Variants in TPCN1 observed in about 807,000 individuals in gnomAD.
TPCN1 encodes the protein two pore segment channel 1.
A neutral mutation model predicts 108.8 loss-of-function variants in TPCN1; 52 were observed. The ratio of observed to expected loss-of-function variants is 0.48; its 90% confidence interval spans 0.38 to 0.60. The LOEUF (loss-of-function observed/expected upper bound fraction) is 0.60. Among genes scored for constraint, TPCN1 ranks in the 20% least tolerant of loss-of-function variants. The pLI, the probability that TPCN1 is intolerant of heterozygous loss-of-function variation, is 0.00. For synonymous variants in TPCN1, 446 were observed against 433.7 expected (o/e 1.03, Z -0.35); for missense variants, 806 against 1,072.8 (o/e 0.75, Z 3.47).
intron 2 of TPCN1, among the ~76,000 whole-genome samples, chr12:113,228,956 G>A (rs546784553): frequency 1.3e-5 from 2 of 152,202 alleles, no homozygotes; most frequent in East Asian, 1.9e-4. Context: ...GGCTGTCATC[G>A]TGAGTGTCAC....
chr12:113,246,275 T>C lies in TPCN1; in HGVS notation c.113-14093T>C, dbSNP rs763640273. On this transcript the variant is annotated intron_variant, in intron 2 of 27. Coordinates refer to ENST00000335509, the MANE Select transcript of TPCN1 (RefSeq NM_017901.6). ...AAGGGGCTGGTGCCACATAAATCTT[T>C]AGTGGCCAAAGTCTGCAGGCCTGCA... Among the ~76,000 whole-genome samples, 8 of 152,182 alleles carry C rather than the reference T, an allele frequency of 5.3e-5. No homozygotes were observed. In the East Asian group the frequency reaches 5.8e-4, roughly 11 times the overall value.
At chr12:113,239,995 C>T (rs563994238) in intron 2 of TPCN1, among the ~76,000 whole-genome samples, 16 of 152,154 alleles carry the variant, frequency 1.1e-4, no homozygotes, top group Non-Finnish European at 2.1e-4. Context: ...GGGTGGTCGT[C>T]GACAAGCATG....
chr12:113,293,054 C>T lies in TPCN1; in HGVS notation c.2234C>T (p.Ser745Phe), dbSNP rs776205684. The change falls in exon 26 of 28, where the codon TCC (serine) becomes TTC (phenylalanine). Residue 745 changes from serine to phenylalanine, a missense_variant. Coordinates refer to ENST00000335509, the MANE Select transcript of TPCN1 (RefSeq NM_017901.6). ...GTCACCAGGCTGCTGGAGACCCTCTCCCAGATGGAGAGATACCAGGTGAGG... is the reference window on the plus strand; with the variant it reads ...GTCACCAGGCTGCTGGAGACCCTCTTCCAGATGGAGAGATACCAGGTGAGG... ...SDVTRLLETL[S>F]QMERYQQHSM... is the part of the protein sequence containing the mutation. The T allele has an allele frequency of 4.3e-6, 7 of 1,612,548 alleles. No individual in the cohort carries two copies. In the Middle Eastern group the frequency reaches 5.0e-4, roughly 114 times the overall value.
chr12:113,291,786 G>T lies in TPCN1; in HGVS notation c.2029-88G>T, dbSNP rs558131659. On this transcript the variant is annotated intron_variant, in intron 24 of 27. Coordinates refer to ENST00000335509, the MANE Select transcript of TPCN1 (RefSeq NM_017901.6). ...GAGTGGGGCTGGGTCCCATCTGGCCGGACTCTGTTGGGCGTGGGCTGCGCA... is the reference window on the plus strand; with the variant it reads ...GAGTGGGGCTGGGTCCCATCTGGCCTGACTCTGTTGGGCGTGGGCTGCGCA... 5 of 1,559,626 alleles carry T rather than the reference G, an allele frequency of 3.2e-6. No individual in the cohort carries two copies. In the African/African-American group the frequency reaches 6.8e-5, roughly 21 times the overall value.
At chr12:113,252,378 G>A (rs968051135) in intron 2 of TPCN1, among the ~76,000 whole-genome samples, 3 of 152,270 alleles carry the variant, frequency 2.0e-5, no homozygotes, top group East Asian at 1.9e-4. Flanking sequence ...AGGACCAGAC[G>A]TTGTCTCCCC....
rs117057654 is a variant in TPCN1 at position 113,289,307 on chromosome 12, G to A, written c.1796+460G>A. ...ATGAGCACTCCCTTTCTCCTGAGCC[G>A]CCACAGTGAAATCACTGCACACTGC... On this transcript the variant is annotated intron_variant, in intron 21 of 27. Coordinates refer to ENST00000335509, the MANE Select transcript of TPCN1 (RefSeq NM_017901.6). This position sits in a 1 kb window ranked among gnomAD's most constrained non-coding sequence, Gnocchi z 4.1. Among the ~76,000 whole-genome samples the A allele has an allele frequency of 7.1e-3, 1,074 of 152,338 alleles. 4 individuals are homozygous for A. The highest frequency in any genetic ancestry group is 0.011 in the Non-Finnish European group (768 of 68,032).
rs1956288877 is a variant in TPCN1 at position 113,292,103 on chromosome 12, C to T, written c.2113+145C>T. On this transcript the variant is annotated intron_variant, in intron 25 of 27. Transcript: ENST00000335509. ...CAGCTTATCTATCTGGCTTGTCTTTCTAGATCTTGTATTTGCATTGATTTT... is the reference window on the plus strand; with the variant it reads ...CAGCTTATCTATCTGGCTTGTCTTTTTAGATCTTGTATTTGCATTGATTTT... 8.7e-6 allele frequency: 6 copies of T among 689,496 alleles called. No individual in the cohort carries two copies. The East Asian group carries it at 1.3e-4, about 15-fold the overall frequency. The allele number at this position is 689,496 out of a possible 1,614,324, so 42.7% of individuals were successfully genotyped here. A position where few individuals can be genotyped will look rare whatever the true frequency, so the allele number is the denominator to read the frequency against.
In TPCN1 at chr12:113,266,408, C is replaced by G; in HGVS notation, c.414+52C>G. 3.2e-6 allele frequency: 5 copies of G among 1,586,324 alleles called. No homozygotes were observed. The highest frequency in any genetic ancestry group is 4.3e-6 in the Non-Finnish European group (5 of 1,170,762). On this transcript the variant is annotated intron_variant, in intron 4 of 27. Coordinates refer to ENST00000335509, the MANE Select transcript of TPCN1 (RefSeq NM_017901.6). The surrounding 1 kb of genome is among the most constrained non-coding windows in gnomAD (Gnocchi z 4.2). ...GGGCTGGGAGCCACGGCTTTCAGGG[C>G]AAGCGATGGAACTCCAAAAAGGAAC...
chr12:113,290,112 C>A lies in TPCN1; in HGVS notation c.1797-16C>A. 6.5e-7 allele frequency: 1 copy of A among 1,545,616 alleles called. No individual in the cohort carries two copies. Among genetic ancestry groups the A allele is most frequent in the Non-Finnish European group, 8.8e-7 (1 of 1,135,720 alleles). ...CCTTGTGACCCTCCCTCCTTTCTCCCTTGTGCTCCGGCCAGCACGAGTACA... is the reference window on the plus strand; with the variant it reads ...CCTTGTGACCCTCCCTCCTTTCTCCATTGTGCTCCGGCCAGCACGAGTACA... On this transcript the variant is annotated splice_polypyrimidine_tract_variant and intron_variant, in intron 21 of 27. Transcript: ENST00000335509.
In TPCN1 at chr12:113,273,462, G is replaced by A; in HGVS notation, c.843-107G>A. 4 of 1,268,568 alleles carry A rather than the reference G, an allele frequency of 3.2e-6. No homozygotes were observed. The South Asian group carries it at 4.8e-5, about 15-fold the overall frequency. 78.6% of individuals were successfully genotyped at this position (1,268,568 alleles called of 1,614,324 possible). A position where few individuals can be genotyped will look rare whatever the true frequency, so the allele number is the denominator to read the frequency against. ...CAGGGATGAGAGTAGGGGAACCAGG[G>A]TTGGAGGCTGGGAAGGCAGACAAGG... On this transcript the variant is annotated intron_variant, in intron 9 of 27. Transcript: ENST00000335509. The surrounding 1 kb of genome is among the most constrained non-coding windows in gnomAD (Gnocchi z 4.0).
intron 2 of TPCN1, among the ~76,000 whole-genome samples, chr12:113,256,964 C>T (rs925835771): frequency 6.6e-6 from 1 of 151,924 alleles, no homozygotes; most frequent in African/African-American, 2.4e-5. Flanking sequence ...AGACAAACCA[C>T]AAATGGGAAA....
intron 2 of TPCN1, among the ~76,000 whole-genome samples, chr12:113,253,955 G>A (rs1307772394): frequency 4.7e-4 from 72 of 152,192 alleles, no homozygotes; most frequent in East Asian, 1.9e-4. Flanking sequence ...CCTCATCCCC[G>A]ACTCCTCTTC....
At chr12:113,279,345 ATGTGTGTGTGTGTG>A (rs1191314168) in intron 14 of TPCN1, among the ~76,000 whole-genome samples, 10 of 88,316 alleles carry the variant, frequency 1.1e-4, no homozygotes, top group Non-Finnish European at 2.0e-4. Context: ...GTGTATATAT[ATGTGTGTGTGTGTG>A]TATATATATA....
At position 113,266,153 on chromosome 12, in the gene TPCN1, A is replaced by T. The variant is rs781147083; in HGVS notation, c.238-27A>T. ...GCGTTGGATGGGTCTCCAGGCTTAC[A>T]TGCCCACACTACTCTCATCTTTTCA... On this transcript the variant is annotated intron_variant, in intron 3 of 27. Coordinates refer to ENST00000335509, the MANE Select transcript of TPCN1 (RefSeq NM_017901.6). This position sits in a 1 kb window ranked among gnomAD's most constrained non-coding sequence, Gnocchi z 4.2. 2 of 1,612,164 alleles carry T rather than the reference A, an allele frequency of 1.2e-6. No individual in the cohort carries two copies.
At chr12:113,251,810 G>A (rs561768100) in intron 2 of TPCN1, among the ~76,000 whole-genome samples, 46 of 152,366 alleles carry the variant, frequency 3.0e-4, no homozygotes, top group Non-Finnish European at 2.1e-4. Context: ...AGGATTTTAA[G>A]TAGTGGAGTG....
intron 3 of TPCN1, among the ~76,000 whole-genome samples, chr12:113,261,916 C>A (rs571285839): frequency 8.7e-5 from 13 of 150,102 alleles, no homozygotes; most frequent in African/African-American, 3.2e-4. Context: ...AATGGAATTA[C>A]CGGGTAGAAG....
At chr12:113,259,608 G>A (rs1186289963) in intron 2 of TPCN1, among the ~76,000 whole-genome samples, 1 of 152,192 alleles carries the variant, frequency 6.6e-6, no homozygotes, top group African/African-American at 2.4e-5. Context: ...GGTGGCAGAG[G>A]CAGCCGCCAG....
rs1221035265 is a variant in TPCN1 at position 113,232,363 on chromosome 12, G to A, written c.112+5399G>A. 1.3e-5 allele frequency among the ~76,000 whole-genome samples: 2 copies of A among 152,252 alleles called. No homozygotes were observed. The highest frequency in any genetic ancestry group is 2.9e-5 in the Non-Finnish European group (2 of 68,032). On this transcript the variant is annotated intron_variant, in intron 2 of 27. Transcript: ENST00000335509. The surrounding 1 kb of genome is among the most constrained non-coding windows in gnomAD (Gnocchi z 5.6). ...CCTTTTCAGGGTCTTCATGCAGCCA[G>A]GGCGAGTTGGCACCAGGCTCAGTCA...
At chr12:113,259,886 G>A (rs1364078584) in intron 2 of TPCN1, among the ~76,000 whole-genome samples, 1 of 152,218 alleles carries the variant, frequency 6.6e-6, no homozygotes, top group Non-Finnish European at 1.5e-5. Flanking sequence ...CAGCAGGGAA[G>A]AGCAACAGAT....
Sources: gnomAD v4.1 joint callset for allele counts (sites outside exome capture counted in the v4.1 genomes callset) on GRCh38, gnomAD v4.1.1 for gene constraint, Gnocchi (gnomAD v3.1) non-coding constraint, MANE v1.5 for transcripts, NCBI Gene and HGNC (gene_info 2026-07-23, HGNC 2026-07-21) for gene names.